CNTN5: variants seen among roughly 807,000 people sequenced by gnomAD.
CNTN5 encodes the protein contactin 5.
CNTN5 carries 77 observed loss-of-function variants against 129.1 expected under a neutral mutation model. The ratio of observed to expected loss-of-function variants is 0.60; its 90% CI spans 0.50 to 0.72. CNTN5 has a LOEUF of 0.72. Ranked by LOEUF, CNTN5 falls within the 30% of genes least tolerant of loss-of-function variation. The probability of loss-of-function intolerance (pLI) is 0.00; values close to 1 mark genes in which losing one functional copy is unlikely to be tolerated. For synonymous variants in CNTN5, 509 were observed against 465.6 expected (o/e 1.09, Z -1.20); for missense variants, 1,478 against 1,328.8 (o/e 1.11, Z -1.75).
chr11:99,042,772 T>TTGAA lies in CNTN5; in HGVS notation c.-210+21517_-210+21520dup, dbSNP rs548914408. Among the ~76,000 whole-genome samples the TTGAA allele has an allele frequency of 2.6e-4, 38 of 148,708 alleles. No individual in the cohort carries two copies. The East Asian group carries it at 6.0e-3, about 23-fold the overall frequency. On this transcript the variant is annotated intron_variant, in intron 1 of 24. Transcript: ENST00000524871. ...TCAGTGGGCACTCGATAAATACTTA[T>TTGAA]TGAATGAATGAATGAATGTGGATGA...
chr11:99,516,124 G>T, intron 2 of CNTN5, among the ~76,000 whole-genome samples: 1 of 87,798 alleles, frequency 1.1e-5, no homozygotes, highest in Admixed American at 1.2e-4. Context: ...ATAAAGAGAA[G>T]GTGCTAATTG....
At chr11:100,036,602 A>G (rs1240920284) in intron 9 of CNTN5, among the ~76,000 whole-genome samples, 1 of 149,026 alleles carries the variant, frequency 6.7e-6, no homozygotes, top group Non-Finnish European at 1.5e-5. Flanking sequence ...ACCCATGAGC[A>G]AGGAATGTTC....
At position 99,794,527 on chromosome 11, in the gene CNTN5, T is replaced by G. The variant is rs193040744; in HGVS notation, c.56-25017T>G. ...TGGTTGCTTTATAGTGTCACTGGTC[T>G]GTATACTTAAGTGTGCTTTTGTTGT... On this transcript the variant is annotated intron_variant, in intron 3 of 24. Coordinates refer to ENST00000524871, the MANE Select transcript of CNTN5 (RefSeq NM_014361.4). Among the ~76,000 whole-genome samples, 118 of 152,334 alleles carry G rather than the reference T, an allele frequency of 7.7e-4. No homozygotes were observed. In the East Asian group the frequency reaches 0.014, roughly 18 times the overall value.
chr11:99,567,454 G>T (rs75032159), intron 3 of CNTN5, among the ~76,000 whole-genome samples: 101 of 151,964 alleles, frequency 6.6e-4, no homozygotes, highest in African/African-American at 2.1e-3. Context: ...CTTCTGCCAA[G>T]ATGATGATGT....
chr11:99,182,679 TTTACTC>T (rs987691208), intron 1 of CNTN5, among the ~76,000 whole-genome samples: 78 of 152,270 alleles, frequency 5.1e-4, no homozygotes, highest in African/African-American at 1.7e-3. Flanking sequence ...AGATAAAATG[TTTACTC>T]TCTAATAAGT....
chr11:99,978,318 C>G (rs1044973840), intron 8 of CNTN5, among the ~76,000 whole-genome samples: 1 of 152,096 alleles, frequency 6.6e-6, no homozygotes, highest in African/African-American at 2.4e-5. Context: ...AACTAAGGTT[C>G]ATTTATTATT....
chr11:99,479,464 T>C lies in CNTN5; in HGVS notation c.-70-76681T>C, dbSNP rs550783095. Among the ~76,000 whole-genome samples, 313 of 152,214 alleles carry C rather than the reference T, an allele frequency of 2.1e-3. 1 individual carries two copies. The highest frequency in any genetic ancestry group is 2.0e-3 in the Non-Finnish European group (136 of 67,948). On this transcript the variant is annotated intron_variant, in intron 2 of 24. Coordinates refer to ENST00000524871, the MANE Select transcript of CNTN5 (RefSeq NM_014361.4). ...ATATAGAGCAGGGCTTTAAAACCCT[T>C]GTAAACACTGTAAATGCAGGAAACT...
At chr11:99,497,251 G>A (rs1946260543) in intron 2 of CNTN5, among the ~76,000 whole-genome samples, 1 of 152,166 alleles carries the variant, frequency 6.6e-6, no homozygotes, top group African/African-American at 2.4e-5. Flanking sequence ...AGGTTATTTA[G>A]TAAACCCGTA....
At chr11:100,053,064 T>C (rs1943037190) in intron 9 of CNTN5, among the ~76,000 whole-genome samples, 1 of 151,730 alleles carries the variant, frequency 6.6e-6, no homozygotes, top group Non-Finnish European at 1.5e-5. Flanking sequence ...TTAAATTGGA[T>C]CATAGCCCTA....
chr11:99,484,646 A>G (rs2135325943), intron 2 of CNTN5, among the ~76,000 whole-genome samples: 1 of 152,316 alleles, frequency 6.6e-6, no homozygotes, highest in South Asian at 2.1e-4. Context: ...AAGGTGTCCA[A>G]CAATGGATGA....
chr11:99,787,322 G>A (rs925770713), intron 3 of CNTN5, among the ~76,000 whole-genome samples: 3 of 151,562 alleles, frequency 2.0e-5, no homozygotes, highest in Non-Finnish European at 2.9e-5. Context: ...TTAAGAGACA[G>A]TGATCATGAA....
chr11:100,270,400 C>T (rs1187541411), intron 17 of CNTN5, among the ~76,000 whole-genome samples: 1 of 152,184 alleles, frequency 6.6e-6, no homozygotes, highest in African/African-American at 2.4e-5. Context: ...GGAGATTCTC[C>T]ACATTCTGCC....
intron 13 of CNTN5, among the ~76,000 whole-genome samples, chr11:100,125,973 C>A (rs1338881317): frequency 6.6e-6 from 1 of 151,934 alleles, no homozygotes; most frequent in Non-Finnish European, 1.5e-5. Context: ...ATTGATTTTT[C>A]TGCATCCCAG....
chr11:99,384,970 A>T (rs1940833801), intron 2 of CNTN5, among the ~76,000 whole-genome samples: 1 of 152,180 alleles, frequency 6.6e-6, no homozygotes, highest in African/African-American at 2.4e-5. Context: ...ATTAAATGGC[A>T]ATGTATTGAT....
At chr11:100,094,607 T>C (rs2138019947) in intron 13 of CNTN5, among the ~76,000 whole-genome samples, 1 of 152,064 alleles carries the variant, frequency 6.6e-6, no homozygotes, top group East Asian at 1.9e-4. Flanking sequence ...TTCTAATTGA[T>C]ATTCTTCACT....
rs532258748 is a variant in CNTN5, at chr11:99,537,560, AT to A, written c.-70-18580del. ...CTAAGCACCCTTCTTCGCTTCTCTT[AT>A]TTTTAAAAATTGTCTATGCTTTCTC... On this transcript the variant is annotated intron_variant, in intron 2 of 24. Coordinates refer to ENST00000524871, the MANE Select transcript of CNTN5 (RefSeq NM_014361.4). Among the ~76,000 whole-genome samples, 717 of 152,240 alleles carry A rather than the reference AT, an allele frequency of 4.7e-3. 4 individuals are homozygous for A. The highest frequency in any genetic ancestry group is 0.01 in the Middle Eastern group (3 of 294).
chr11:100,105,120 T>C lies in CNTN5; in HGVS notation c.1580+30826T>C, dbSNP rs17697279. Among the ~76,000 whole-genome samples, 1,240 of 152,320 alleles carry C rather than the reference T, an allele frequency of 8.1e-3. 6 individuals are homozygous for C. Among genetic ancestry groups the C allele is most frequent in the Non-Finnish European group, 0.013 (864 of 68,026 alleles). ...CTTATTTTGCAATTCAGGAAACTAA[T>C]GTTCGAGGCTTAACTTATTCAAAGC... On this transcript the variant is annotated intron_variant, in intron 13 of 24. Coordinates refer to ENST00000524871, the MANE Select transcript of CNTN5 (RefSeq NM_014361.4).
At chr11:99,448,928 A>G (rs1195314245) in intron 2 of CNTN5, among the ~76,000 whole-genome samples, 3 of 151,436 alleles carry the variant, frequency 2.0e-5, no homozygotes, top group African/African-American at 4.9e-5. Context: ...CTACAGATGC[A>G]TACCACCATG....
At chr11:99,706,073 G>C (rs532924659) in intron 3 of CNTN5, among the ~76,000 whole-genome samples, 4 of 151,222 alleles carry the variant, frequency 2.6e-5, no homozygotes, top group African/African-American at 9.7e-5. Flanking sequence ...TGGCTTATGG[G>C]GATTAACATA....
Sources: gnomAD v4.1 joint callset for allele counts (sites outside exome capture counted in the v4.1 genomes callset) on GRCh38, gnomAD v4.1.1 for gene constraint, MANE v1.5 for transcripts, NCBI Gene and HGNC (gene_info 2026-07-23, HGNC 2026-07-21) for gene names.